The following PRKD3 variants were observed in gnomAD, a reference collection of about 807,000 sequenced individuals.
The protein encoded by PRKD3 is serine/threonine-protein kinase D3.
A neutral mutation model predicts 99.2 loss-of-function variants in PRKD3; 47 were observed. That is an observed-to-expected ratio of 0.47 (90% CI 0.38 to 0.60). The LOEUF (loss-of-function observed/expected upper bound fraction) is 0.60, where lower values mean the gene tolerates loss of function less well. Among genes scored for constraint, PRKD3 ranks in the 20% least tolerant of loss-of-function variants. The pLI is 0.00. For synonymous variants in PRKD3, 392 were observed against 355.4 expected, an observed-to-expected ratio of 1.10 and a Z score of -1.16; for missense variants, 1,019 against 1,088.4, an observed-to-expected ratio of 0.94 and a Z score of 0.90.
At position 37,279,784 on chromosome 2, in the gene PRKD3, G is replaced by C. The variant is rs140407768; in HGVS notation, c.1134C>G (p.Leu378=). ...CGGCTTCTTCATCTCTTTCCACATC[G>C]AGATCAGATGGATCCAAGAAGAACA... ...DKMFFLDPSD[L]DVERDEEAVK... Residue 378 remains leucine (L), a synonymous_variant, in exon 8 of 19, where the codon CTC becomes CTG. Coordinates refer to ENST00000234179, the MANE Select transcript of PRKD3 (RefSeq NM_005813.6). The C allele has an allele frequency of 1.9e-6, 3 of 1,612,884 alleles. No individual in the cohort carries two copies. Among genetic ancestry groups the C allele is most frequent in the South Asian group, 2.2e-5 (2 of 90,932 alleles).
intron 2 of PRKD3, among the ~76,000 whole-genome samples, chr2:37,314,871 G>C (rs2124899670): frequency 6.6e-6 from 1 of 152,200 alleles, no homozygotes; most frequent in South Asian, 2.1e-4. Flanking sequence ...GCTACGGAAG[G>C]ATACAATGCT....
At chr2:37,277,793 G>C (rs1669647314) in intron 9 of PRKD3, 73 bp downstream of exon 9, 1 of 1,483,904 alleles carries the variant, frequency 6.7e-7, no homozygotes, top group South Asian at 1.3e-5. Flanking sequence ...TCATCATTTT[G>C]ATTTAAAAAA....
chr2:37,298,140 TTTTA>T (rs549326140), intron 2 of PRKD3, among the ~76,000 whole-genome samples: 349 of 152,292 alleles, frequency 2.3e-3, no homozygotes, highest in South Asian at 0.011. Flanking sequence ...TAAAATATAA[TTTTA>T]TTTATTTTTG....
chr2:37,275,917 C>T (rs1009850055), intron 9 of PRKD3, 73 bp from the exon 10 acceptor site: 4 of 1,498,498 alleles, frequency 2.7e-6, no homozygotes, highest in Non-Finnish European at 3.6e-6. Flanking sequence ...TAACTTTTCC[C>T]TTCATTTACA....
chr2:37,259,525 T>C (rs942217994), intron 16 of PRKD3, 58 bp downstream of exon 16: 14 of 1,346,780 alleles, frequency 1.0e-5, no homozygotes, highest in Non-Finnish European at 1.4e-5. Context: ...CCTTTTATTA[T>C]GTGGGTGCTT....
At position 37,256,654 on chromosome 2, in the gene PRKD3, TTTTTTAC is replaced by T; in HGVS notation, c.2413+1_2413+7del. 1 of 1,377,258 alleles carries T rather than the reference TTTTTTAC, an allele frequency of 7.3e-7. No homozygotes were observed. The highest frequency in any genetic ancestry group is 9.4e-7 in the Non-Finnish European group (1 of 1,061,432). The allele number at this position is 1,377,258 out of a possible 1,614,324, so 85.3% of individuals were successfully genotyped here. On this transcript the variant is annotated splice_donor_variant and splice_donor_5th_base_variant and intron_variant, in intron 17 of 18. Coordinates refer to ENST00000234179, the MANE Select transcript of PRKD3 (RefSeq NM_005813.6). LOFTEE classifies it high-confidence loss of function. ...TTTTTTTTTTTTTTTTTTTTTTTTT[TTTTTTAC>T]CTTCACCAGAAATTTCTCTCCATGG...
chr2:37,304,767 A>G (rs894311908), intron 2 of PRKD3, among the ~76,000 whole-genome samples: 4 of 151,736 alleles, frequency 2.6e-5, no homozygotes, highest in Non-Finnish European at 2.9e-5. Flanking sequence ...GAAAAGAAAA[A>G]AAAAAAAGAA....
intron 2 of PRKD3, among the ~76,000 whole-genome samples, chr2:37,314,785 A>T (rs906630910): frequency 2.0e-5 from 3 of 152,172 alleles, no homozygotes; most frequent in Admixed American, 6.5e-5. Context: ...AAAATTAAAT[A>T]AAAAAATTAC....
chr2:37,314,018 A>C (rs1322793306), intron 2 of PRKD3, among the ~76,000 whole-genome samples: 5 of 152,230 alleles, frequency 3.3e-5, no homozygotes, highest in African/African-American at 1.2e-4. Context: ...ATAATAAGAG[A>C]GCGCCAAAAA....
At chr2:37,310,612 T>C (rs1167591827) in intron 2 of PRKD3, among the ~76,000 whole-genome samples, 3 of 152,222 alleles carry the variant, frequency 2.0e-5, no homozygotes, top group Non-Finnish European at 4.4e-5. Context: ...CTTAGTTTTA[T>C]AGTGGATACA....
chr2:37,309,448 C>T (rs958146144), intron 2 of PRKD3, among the ~76,000 whole-genome samples: 1 of 152,138 alleles, frequency 6.6e-6, no homozygotes, highest in African/African-American at 2.4e-5. Flanking sequence ...GAGAAGCATG[C>T]TTACTTACTC....
Position 37,272,418 on chromosome 2 carries a change from T to C in PRKD3, c.1666A>G (p.Ser556Gly), listed in dbSNP as rs1245929996. 2.5e-6 allele frequency: 4 copies of C among 1,606,264 alleles called. No homozygotes were observed. The highest frequency in any genetic ancestry group is 1.7e-6 in the Non-Finnish European group (2 of 1,177,792). ...QGKDHKDLST[S>G]ISVSNCQIQE... Reference sequence around the variant, plus strand: ...ATCTGACAATTAGATACAGAGATACTTGTAGACAAATCTTCTGTAAAATAT... The same window carrying C: ...ATCTGACAATTAGATACAGAGATACCTGTAGACAAATCTTCTGTAAAATAT... The change falls in exon 12 of 19, where the codon AGT (serine) becomes GGT (glycine). Residue 556 changes from serine (S) to glycine (G), a missense_variant. By Grantham distance (56) the Ser-to-Gly change is moderately conservative. Transcript: ENST00000234179.
intron 1 of PRKD3, among the ~76,000 whole-genome samples, chr2:37,320,492 C>T (rs774457681): frequency 3.2e-5 from 4 of 126,652 alleles, no homozygotes; most frequent in Non-Finnish European, 4.6e-5. Context: ...AGTACAGTGG[C>T]GCGATCTTGA....
rs1572673619 is a variant in PRKD3 at position 37,290,851 on chromosome 2, A to C, written c.559+17T>G. ...GAATCTTATTTCAAATGACCACAAA[A>C]ATTTTAGAACACACACCTTCACATT... is the stretch of plus-strand genomic sequence containing the variant. On this transcript the variant is annotated intron_variant, in intron 4 of 18. Coordinates refer to ENST00000234179, the MANE Select transcript of PRKD3 (RefSeq NM_005813.6). 2 of 1,563,068 alleles carry C rather than the reference A, an allele frequency of 1.3e-6. No individual in the cohort carries two copies. Among genetic ancestry groups the C allele is most frequent in the Non-Finnish European group, 1.7e-6 (2 of 1,155,008 alleles).
intron 2 of PRKD3, among the ~76,000 whole-genome samples, chr2:37,295,587 A>C (rs1670641459): frequency 6.6e-6 from 1 of 152,206 alleles, no homozygotes; most frequent in Non-Finnish European, 1.5e-5. Flanking sequence ...CCACCTACTA[A>C]CTATAGCACC....
rs1166196338 is a variant in PRKD3, at chr2:37,252,718, A to C, written c.*459T>G. 2 of 152,006 alleles carry C rather than the reference A, an allele frequency of 1.3e-5. No homozygotes were observed. Among genetic ancestry groups the C allele is most frequent in the Admixed American group, 1.3e-4 (2 of 15,226 alleles). The allele number at this position is 152,006 out of a possible 1,614,324, so 9.4% of individuals were successfully genotyped here. A position where few individuals can be genotyped will look rare whatever the true frequency, so the allele number is the denominator to read the frequency against. On this transcript the variant is annotated 3_prime_UTR_variant, in exon 19 of 19. Transcript: ENST00000234179. Reference sequence around the variant, plus strand: ...ATCACATAATGGTAACCTCACAGTTACCTCTTAAATACAAGCCTGTCGAGT... The same window carrying C: ...ATCACATAATGGTAACCTCACAGTTCCCTCTTAAATACAAGCCTGTCGAGT...
intron 2 of PRKD3, among the ~76,000 whole-genome samples, chr2:37,312,286 T>C (rs1414605109): frequency 6.6e-6 from 1 of 152,210 alleles, no homozygotes; most frequent in East Asian, 1.9e-4. Context: ...ATTATAACTA[T>C]TTCATCAAAA....
Position 37,252,658 on chromosome 2 carries a change from T to G in PRKD3, c.*519A>C, listed in dbSNP as rs1365661032. On this transcript the variant is annotated 3_prime_UTR_variant, in exon 19 of 19. Transcript: ENST00000234179. ...GAAAAACCCTTCAATGCCTCTATGG[T>G]TTGTTAAACCAATGTTAAAAGTCCT... The G allele has an allele frequency of 6.6e-6, 1 of 152,060 alleles. No individual in the cohort carries two copies. Among genetic ancestry groups the G allele is most frequent in the Non-Finnish European group, 1.5e-5 (1 of 68,008 alleles). The allele number at this position is 152,060 out of a possible 1,614,324, so 9.4% of individuals were successfully genotyped here. A position where few individuals can be genotyped will look rare whatever the true frequency, so the allele number is the denominator to read the frequency against.
intron 2 of PRKD3, 29 bp from the exon 3 acceptor site, chr2:37,293,300 G>T: frequency 6.7e-7 from 1 of 1,502,944 alleles, no homozygotes; most frequent in South Asian, 1.4e-5. Context: ...ATATCAGTAT[G>T]ACCACAGTTT....
Sources: gnomAD v4.1 joint callset for allele counts (sites outside exome capture counted in the v4.1 genomes callset) on GRCh38, gnomAD v4.1.1 for gene constraint, MANE v1.5 for transcripts, NCBI Gene and HGNC (gene_info 2026-07-23, HGNC 2026-07-21) for gene names.